HTT: variants seen among roughly 807,000 people sequenced by gnomAD.
The protein encoded by HTT is huntington disease protein.
Under a neutral mutation model 362.3 loss-of-function variants are expected in HTT, and 104 were observed. The observed-to-expected ratio is 0.29, with a 90% CI of 0.24 to 0.34. The LOEUF is 0.34. HTT is among the 10% of genes least tolerant of loss of function. The pLI, the probability that HTT is intolerant of heterozygous loss-of-function variation, is 1.00. For synonymous variants in HTT, 1,577 were observed against 1,548.7 expected (o/e 1.02, Z -0.43); for missense variants, 3,301 against 3,928.6 (o/e 0.84, Z 4.27).
At chr4:3,173,723 C>T (rs1368596716) in intron 31 of HTT, among the ~76,000 whole-genome samples, 1 of 150,094 alleles carries the variant, frequency 6.7e-6, no homozygotes, top group African/African-American at 2.5e-5. Context: ...GGCTGGAGTG[C>T]AGTGGTGCAA....
At position 3,179,409 on chromosome 4, in the gene HTT, C is replaced by G. The variant is rs567022467; in HGVS notation, c.4612+963C>G. On this transcript the variant is annotated intron_variant, in intron 35 of 66. Transcript: ENST00000355072. ...ACTTTGTGCTGGGAAGCTTGGTCAT[C>G]TGTGAGAGGGTCAGAGAGTATACCC... 4.6e-5 allele frequency among the ~76,000 whole-genome samples: 7 copies of G among 152,298 alleles called. No homozygotes were observed. The East Asian group carries it at 1.3e-3, about 29-fold the overall frequency.
At chr4:3,080,054 G>C (rs6835897) in intron 1 of HTT, among the ~76,000 whole-genome samples, 10,856 of 152,034 alleles carry the variant, frequency 0.071, 747 homozygotes, top group African/African-American at 0.18. Flanking sequence ...ACAAAAATAA[G>C]TCTGGGGAAA....
intron 28 of HTT, 80 bp from the exon 29 acceptor site, chr4:3,160,202 C>T (rs1034319704): frequency 2.3e-5 from 21 of 903,604 alleles, no homozygotes; most frequent in Middle Eastern, 2.1e-4. Context: ...CTGCAGCCGT[C>T]GATGTTTGTG....
At chr4:3,139,186 T>G (rs1008746946) in intron 21 of HTT, among the ~76,000 whole-genome samples, 1 of 152,226 alleles carries the variant, frequency 6.6e-6, no homozygotes, top group Non-Finnish European at 1.5e-5. Context: ...CTGCAAATGA[T>G]AGCAACTTCT....
chr4:3,161,557 A>G (rs1248087809), intron 29 of HTT, among the ~76,000 whole-genome samples: 1 of 152,060 alleles, frequency 6.6e-6, no homozygotes, highest in African/African-American at 2.4e-5. Context: ...AAGTGTTCCT[A>G]TTTTTCCACA....
chr4:3,217,919 C>T lies in HTT; in HGVS notation c.7209C>T (p.Pro2403=), dbSNP rs376323222. Residue 2403 remains proline (P), a synonymous_variant, in exon 52 of 67, where the codon CCC becomes CCT. Transcript: ENST00000355072. ...TCATCATCAGCCTGGCCCGCCTGCC[C>T]CTTGTCAACAGCTACACACGTGTGC... The part of the protein sequence containing the change: ...RNIIISLARL[P]LVNSYTRVPP... 2 of 1,613,344 alleles carry T rather than the reference C, an allele frequency of 1.2e-6. No individual in the cohort carries two copies. Among genetic ancestry groups the T allele is most frequent in the Non-Finnish European group, 1.7e-6 (2 of 1,179,790 alleles).
intron 8 of HTT, among the ~76,000 whole-genome samples, chr4:3,117,288 G>A (rs1715076960): frequency 6.6e-6 from 1 of 152,006 alleles, no homozygotes; most frequent in South Asian, 2.1e-4. Flanking sequence ...TAAAAAGGGT[G>A]TAGCCATGGT....
rs74692118 is a variant in HTT, at chr4:3,216,378, C to T, written c.7054+1167C>T. 2.4e-3 allele frequency among the ~76,000 whole-genome samples: 359 copies of T among 152,290 alleles called. 2 individuals are homozygous for T. Among genetic ancestry groups the T allele is most frequent in the African/African-American group, 8.3e-3 (346 of 41,550 alleles). On this transcript the variant is annotated intron_variant, in intron 51 of 66. Transcript: ENST00000355072. ...ACCTCCCTACTCTGCATCTTCCAGCCGAGTGGCACCTCAGGCTGTGGATCC... is the reference window on the plus strand; with the variant it reads ...ACCTCCCTACTCTGCATCTTCCAGCTGAGTGGCACCTCAGGCTGTGGATCC...
At chr4:3,131,604 G>A in intron 15 of HTT, 34 bp from the exon 16 acceptor site, 2 of 1,607,618 alleles carry the variant, frequency 1.2e-6, no homozygotes, top group South Asian at 1.1e-5. Flanking sequence ...TCTGTTGTTT[G>A]AGGCTGAAGG....
At chr4:3,235,496 CG>C in intron 62 of HTT, 68 bp from the exon 63 acceptor site, 1 of 1,543,572 alleles carries the variant, frequency 6.5e-7, no homozygotes, top group Non-Finnish European at 8.9e-7. Flanking sequence ...TTGACTTGGT[CG>C]GGAGGAGGCA....
At chr4:3,113,275 CTCA>C (rs756598954) in intron 6 of HTT, among the ~76,000 whole-genome samples, 95 of 152,256 alleles carry the variant, frequency 6.2e-4, no homozygotes, top group Admixed American at 1.6e-3. Flanking sequence ...CGTGTGCTGA[CTCA>C]TCATAATAAT....
At chr4:3,149,904 G>A (rs937488108) in intron 26 of HTT, among the ~76,000 whole-genome samples, 4 of 152,288 alleles carry the variant, frequency 2.6e-5, no homozygotes, top group Admixed American at 6.5e-5. Flanking sequence ...CCATAGCAGC[G>A]TTTCCCGCCC....
At chr4:3,076,198 A>C (rs1016955903) in intron 1 of HTT, among the ~76,000 whole-genome samples, 1 of 152,168 alleles carries the variant, frequency 6.6e-6, no homozygotes, top group African/African-American at 2.4e-5. Context: ...AAGAGAGACC[A>C]TTAAAACATC....
At chr4:3,100,573 T>C (rs1237190156) in intron 3 of HTT, among the ~76,000 whole-genome samples, 2 of 152,252 alleles carry the variant, frequency 1.3e-5, no homozygotes, top group Non-Finnish European at 1.5e-5. Context: ...ATCTCACTTA[T>C]GCAGTGACGT....
Position 3,074,759 on chromosome 4 carries a change from G to A in HTT, c.-67G>A. 6.8e-7 allele frequency: 1 copy of A among 1,474,660 alleles called. No homozygotes were observed. The highest frequency in any genetic ancestry group is 9.0e-7 in the Non-Finnish European group (1 of 1,111,600). The allele number at this position is 1,474,660 out of a possible 1,614,324, so 91.3% of individuals were successfully genotyped here. A position where few individuals can be genotyped will look rare whatever the true frequency, so the allele number is the denominator to read the frequency against. On this transcript the variant is annotated 5_prime_UTR_variant, in exon 1 of 67. Transcript: ENST00000355072. ...GGCCCAGAGCCCCATTCATTGCCCC[G>A]GTGCTGAGCGGCGCCGCGAGTCGGC... is the stretch of plus-strand genomic sequence containing the variant.
rs780228204 is a variant in HTT at position 3,131,747 on chromosome 4, A to G, written c.2208A>G (p.Lys736=). The change falls in exon 16 of 67, where the codon AAA becomes AAG. Residue 736 remains lysine, a synonymous_variant. Coordinates refer to ENST00000355072, the MANE Select transcript of HTT (RefSeq NM_001388492.1). ...AATCTTTCTTCAGCAAACTCTATAA[A>G]GTTCCTCTTGACACCACGGAATACC... ...HPESFFSKLY[K]VPLDTTEYPE... 1 of 1,614,120 alleles carries G rather than the reference A, an allele frequency of 6.2e-7. No individual in the cohort carries two copies. The highest frequency in any genetic ancestry group is 8.5e-7 in the Non-Finnish European group (1 of 1,179,998).
rs1375730137 is a variant in HTT at position 3,242,196 on chromosome 4, T to G, written c.*2137T>G. Reference sequence around the variant, plus strand: ...GTAAAACAGAGCCATTCCCTTGGAATGCATATCGCTGGGCTCAACATAGAG... The same window carrying G: ...GTAAAACAGAGCCATTCCCTTGGAAGGCATATCGCTGGGCTCAACATAGAG... On this transcript the variant is annotated 3_prime_UTR_variant, in exon 67 of 67. Transcript: ENST00000355072. 1 of 152,226 alleles carries G rather than the reference T, an allele frequency of 6.6e-6. No homozygotes were observed. Among genetic ancestry groups the G allele is most frequent in the Non-Finnish European group, 1.5e-5 (1 of 68,046 alleles). 9.4% of individuals were successfully genotyped at this position (152,226 alleles called of 1,614,324 possible). A position where few individuals can be genotyped will look rare whatever the true frequency, so the allele number is the denominator to read the frequency against.
At position 3,140,516 on chromosome 4, in the gene HTT, C is replaced by G. The variant is rs751190890; in HGVS notation, c.2805C>G (p.Val935=). The G allele has an allele frequency of 5.6e-6, 9 of 1,613,868 alleles. No individual in the cohort carries two copies. The East Asian group carries it at 1.3e-4, about 24-fold the overall frequency. ...HVAAASLIRL[V]PKLFYKCDQG... ...AACCTTACTTTTGTGTTAGGCTTGTCCCAAAGCTGTTTTATAAATGTGACC... is the reference window on the plus strand; with the variant it reads ...AACCTTACTTTTGTGTTAGGCTTGTGCCAAAGCTGTTTTATAAATGTGACC... The change falls in exon 22 of 67, where the codon GTC becomes GTG. Residue 935 remains valine (V), a synonymous_variant. Transcript: ENST00000355072.
In HTT at chr4:3,239,875, A is replaced by G; in HGVS notation, c.9245A>G (p.Lys3082Arg). Residue 3082 changes from lysine (K) to arginine (R), a missense_variant, in exon 67 of 67, where the codon AAG becomes AGG. Lys to Arg is a conservative substitution (Grantham distance 26). Around this residue, in one of 4 missense-constraint regions of HTT, gnomAD observed 753 missense variants for 1,021.3 expected, o/e 0.74. Coordinates refer to ENST00000355072, the MANE Select transcript of HTT (RefSeq NM_001388492.1). ...CCACATGTCATCAGCAGGATGGGCAAGCTGGAGCAGGTGGACGTGAACCTT... is the reference window on the plus strand; with the variant it reads ...CCACATGTCATCAGCAGGATGGGCAGGCTGGAGCAGGTGGACGTGAACCTT... ...ILPHVISRMG[K>R]LEQVDVNLFC... The G allele has an allele frequency of 6.4e-7, 1 of 1,563,916 alleles. No homozygotes were observed. The highest frequency in any genetic ancestry group is 8.7e-7 in the Non-Finnish European group (1 of 1,153,192).
Sources: gnomAD v4.1 joint callset for allele counts (sites outside exome capture counted in the v4.1 genomes callset) on GRCh38, gnomAD v4.1.1 for gene constraint, gnomAD v4.1.1 regional missense constraint, MANE v1.5 for transcripts, NCBI Gene and HGNC (gene_info 2026-07-23, HGNC 2026-07-21) for gene names.